CCDC169: variants seen among roughly 807,000 people sequenced by gnomAD.
CCDC169 encodes coiled-coil domain-containing protein 169.
Under a neutral mutation model 36.0 loss-of-function variants are expected in CCDC169, and 30 were observed. The observed-to-expected ratio is 0.83, with a 90% CI of 0.62 to 1.13. The LOEUF (loss-of-function observed/expected upper bound fraction) is 1.13. Among genes scored for constraint, CCDC169 ranks in the 50% most tolerant of loss-of-function variants. The probability of loss-of-function intolerance (pLI) is 0.00; values close to 1 mark genes in which losing one functional copy is unlikely to be tolerated. For synonymous variants in CCDC169, 85 were observed against 81.5 expected, an observed-to-expected ratio of 1.04 and a Z score of -0.23; for missense variants, 245 against 245.9, an observed-to-expected ratio of 1.00 and a Z score of 0.03.
chr13:36,271,629 G>A (rs1876074364), intron 4 of CCDC169, among the ~76,000 whole-genome samples: 1 of 152,120 alleles, frequency 6.6e-6, no homozygotes, highest in Non-Finnish European at 1.5e-5. Context: ...GAATAGAAGG[G>A]TAATATTCTA....
chr13:36,232,454 A>G (rs769722332), intron 7 of CCDC169, among the ~76,000 whole-genome samples: 2 of 152,178 alleles, frequency 1.3e-5, no homozygotes, highest in Non-Finnish European at 2.9e-5. Flanking sequence ...GAGGTAGTAG[A>G]TAACAATTGA....
At chr13:36,252,258 A>G (rs933121487) in intron 6 of CCDC169, among the ~76,000 whole-genome samples, 21 of 152,350 alleles carry the variant, frequency 1.4e-4, no homozygotes, top group Non-Finnish European at 2.9e-5. Context: ...ATCAAGGAAC[A>G]TGAAGTTTGA....
intron 4 of CCDC169, among the ~76,000 whole-genome samples, chr13:36,255,434 C>A (rs985345901): frequency 6.6e-6 from 1 of 152,076 alleles, no homozygotes; most frequent in Non-Finnish European, 1.5e-5. Flanking sequence ...GAGGCCGAGG[C>A]GGGTAGATCA....
intron 2 of CCDC169, among the ~76,000 whole-genome samples, chr13:36,290,289 T>C (rs1215318961): frequency 1.3e-5 from 2 of 152,162 alleles, no homozygotes; most frequent in African/African-American, 2.4e-5. Flanking sequence ...TCTAAAATAA[T>C]ATAATTTATT....
intron 4 of CCDC169, among the ~76,000 whole-genome samples, chr13:36,270,345 C>T (rs1162498632): frequency 6.6e-6 from 1 of 152,054 alleles, no homozygotes; most frequent in African/African-American, 2.4e-5. Flanking sequence ...ACCATATTGC[C>T]CAAAGCAATG....
At chr13:36,231,411 C>T (rs764975511) in intron 7 of CCDC169, 119 bp from the exon 8 acceptor site, 151 of 943,692 alleles carry the variant, frequency 1.6e-4, no homozygotes, top group Admixed American at 2.4e-4. Flanking sequence ...GACCTTCACA[C>T]GGAAACCTTC....
intron 4 of CCDC169, among the ~76,000 whole-genome samples, chr13:36,256,801 T>A (rs984345204): frequency 6.6e-6 from 1 of 152,220 alleles, no homozygotes; most frequent in Admixed American, 6.5e-5. Context: ...TCTTCCCTTC[T>A]TCTCACTGCA....
chr13:36,289,183 G>C (rs1032284994), intron 2 of CCDC169, among the ~76,000 whole-genome samples: 1 of 152,006 alleles, frequency 6.6e-6, no homozygotes, highest in Admixed American at 6.6e-5. Context: ...TCTTTTAAAA[G>C]CTTCTCAGAA....
chr13:36,248,667 G>C lies in CCDC169; in HGVS notation c.484C>G (p.Gln162Glu), dbSNP rs375855017. ...AEMSQGSGLHQVSKRQQVDQL... is the reference protein window; with the variant it reads ...AEMSQGSGLHEVSKRQQVDQL... ...TCCACCTGTTGCCTTTTAGAAACTT[G>C]ATGTAAACCAGAACCCTGAAATACA... The change falls in exon 7 of 8, where the codon CAA (glutamine) becomes GAA (glutamate). Residue 162 changes from glutamine to glutamate, a missense_variant. Physicochemically the swap from Gln to Glu is conservative, Grantham distance 29. Transcript: ENST00000239859. The C allele has an allele frequency of 1.3e-6, 2 of 1,550,376 alleles. No homozygotes were observed. Among genetic ancestry groups the C allele is most frequent in the East Asian group, 2.4e-5 (1 of 40,854 alleles).
intron 7 of CCDC169, among the ~76,000 whole-genome samples, chr13:36,232,737 A>G (rs1434191059): frequency 7.9e-6 from 1 of 126,824 alleles, no homozygotes; most frequent in African/African-American, 2.7e-5. Context: ...GAATACAAAA[A>G]AAGAAAAAAA....
intron 7 of CCDC169, among the ~76,000 whole-genome samples, chr13:36,234,156 A>G (rs1454879045): frequency 6.6e-6 from 1 of 152,218 alleles, no homozygotes; most frequent in East Asian, 1.9e-4. Context: ...AAAATGGTAT[A>G]TAAGTTTCTA....
chr13:36,282,888 G>T (rs565760056), intron 4 of CCDC169: 1 of 152,978 alleles, frequency 6.5e-6, no homozygotes, highest in East Asian at 1.9e-4. Flanking sequence ...TACCCACTCT[G>T]TTGAGCTAGG....
At chr13:36,276,499 T>C (rs974574074) in intron 4 of CCDC169, among the ~76,000 whole-genome samples, 1 of 152,184 alleles carries the variant, frequency 6.6e-6, no homozygotes, top group Non-Finnish European at 1.5e-5. Flanking sequence ...TGTTTCTCTG[T>C]TTCTACACCT....
At position 36,283,681 on chromosome 13, in the gene CCDC169, T is replaced by C. The variant is rs763390270; in HGVS notation, c.185A>G (p.Tyr62Cys). 64 of 1,550,840 alleles carry C rather than the reference T, an allele frequency of 4.1e-5. No homozygotes were observed. The highest frequency in any genetic ancestry group is 5.1e-5 in the Non-Finnish European group (59 of 1,146,810). Residue 62 changes from tyrosine (Y) to cysteine (C), a missense_variant, in exon 3 of 8, where the codon TAT (tyrosine) becomes TGT (cysteine). Transcript: ENST00000239859. ...DNEGSEWKTRYETQLELNDEL... is the reference protein window; with the variant it reads ...DNEGSEWKTRCETQLELNDEL... ...ATCATTTAATTCAAGTTGTGTCTCA[T>C]AACGGGTTTTCCATTCACTACCTGA...
chr13:36,267,845 A>T (rs1000602534), intron 4 of CCDC169, among the ~76,000 whole-genome samples: 2 of 151,968 alleles, frequency 1.3e-5, no homozygotes, highest in Non-Finnish European at 2.9e-5. Context: ...ATAACACATT[A>T]AAAAAAAGCA....
At chr13:36,284,300 GT>G (rs1242477783) in intron 2 of CCDC169, among the ~76,000 whole-genome samples, 1 of 152,070 alleles carries the variant, frequency 6.6e-6, no homozygotes, top group Admixed American at 6.6e-5. Flanking sequence ...TCTGCCGTGT[GT>G]AAAGCACACA....
At chr13:36,250,285 A>C (rs1207583000) in intron 6 of CCDC169, among the ~76,000 whole-genome samples, 1 of 152,184 alleles carries the variant, frequency 6.6e-6, no homozygotes, top group East Asian at 1.9e-4. Context: ...GTCTAACGGC[A>C]GTCTAGGATA....
intron 4 of CCDC169, among the ~76,000 whole-genome samples, chr13:36,262,701 G>A (rs959251343): frequency 6.6e-6 from 1 of 152,162 alleles, no homozygotes; most frequent in African/African-American, 2.4e-5. Context: ...TACCTAGGAA[G>A]TATGTTCTGG....
downstream of CCDC169, chr13:36,223,787 T>C (rs896973026): frequency 3.3e-5 from 5 of 152,150 alleles, no homozygotes; most frequent in African/African-American, 9.7e-5. Context: ...ACAAAATTAA[T>C]ACAATGTACA....
Sources: allele counts gnomAD v4.1 joint callset (sites outside exome capture counted in the v4.1 genomes callset), GRCh38; gene constraint gnomAD v4.1.1; transcripts MANE v1.5; gene names NCBI Gene and HGNC (gene_info 2026-07-23, HGNC 2026-07-21).